The following ROBO2 variants were observed in gnomAD, a reference collection of about 807,000 sequenced individuals.
The protein encoded by ROBO2 is roundabout homolog 2.
In ROBO2, 53 loss-of-function variants were observed where a neutral mutation model predicts 160.8. That is an observed-to-expected ratio of 0.33 (90% CI 0.26 to 0.41). The LOEUF (loss-of-function observed/expected upper bound fraction) is 0.41, where lower values mean the gene tolerates loss of function less well. ROBO2 is among the 10% of genes least tolerant of loss of function. The pLI, the probability that ROBO2 is intolerant of heterozygous loss-of-function variation, is 1.00. For synonymous variants in ROBO2, 664 were observed against 611.7 expected, an observed-to-expected ratio of 1.09 and a Z score of -1.26; for missense variants, 1,577 against 1,722.4, an observed-to-expected ratio of 0.92 and a Z score of 1.49.
At chr3:76,542,584 T>A (rs986113371) in intron 2 of ROBO2, among the ~76,000 whole-genome samples, 4 of 152,074 alleles carry the variant, frequency 2.6e-5, no homozygotes, top group African/African-American at 9.7e-5. Context: ...TAAGGCTGAG[T>A]TCAAGTCTTC....
intron 2 of ROBO2, among the ~76,000 whole-genome samples, chr3:76,000,531 C>T (rs935425844): frequency 7.4e-5 from 11 of 149,088 alleles, no homozygotes; most frequent in African/African-American, 2.5e-4. Flanking sequence ...CTCTGTCCCC[C>T]AGGCTGGAGT....
chr3:76,754,309 A>G (rs1307544230), intron 2 of ROBO2, among the ~76,000 whole-genome samples: 1 of 151,948 alleles, frequency 6.6e-6, no homozygotes, highest in African/African-American at 2.4e-5. Context: ...ACTTTGAAAG[A>G]CACGAAATAT....
intron 2 of ROBO2, among the ~76,000 whole-genome samples, chr3:76,819,446 G>A (rs1228341831): frequency 6.6e-6 from 1 of 152,026 alleles, no homozygotes; most frequent in Non-Finnish European, 1.5e-5. Flanking sequence ...GACTCTGAGG[G>A]GTAGCAGGAC....
At chr3:76,547,381 G>A (rs1358799492) in intron 2 of ROBO2, among the ~76,000 whole-genome samples, 1 of 151,666 alleles carries the variant, frequency 6.6e-6, no homozygotes, top group Non-Finnish European at 1.5e-5. Flanking sequence ...CCTATGTATT[G>A]TCATTTGTAT....
intron 2 of ROBO2, among the ~76,000 whole-genome samples, chr3:76,369,653 T>G (rs918809176): frequency 6.6e-6 from 1 of 151,868 alleles, no homozygotes; most frequent in African/African-American, 2.4e-5. Context: ...ATTAGGTCAG[T>G]CATGTTCTAA....
At chr3:77,441,512 T>C (rs1359898077) in intron 2 of ROBO2, among the ~76,000 whole-genome samples, 1 of 152,104 alleles carries the variant, frequency 6.6e-6, no homozygotes, top group African/African-American at 2.4e-5. Context: ...AAAAATCCTT[T>C]TGCAAGGATT....
At chr3:77,113,770 T>C (rs1168175627) in intron 2 of ROBO2, among the ~76,000 whole-genome samples, 1 of 152,196 alleles carries the variant, frequency 6.6e-6, no homozygotes, top group African/African-American at 2.4e-5. Flanking sequence ...ATTCATTCCA[T>C]TTGGGTTTGA....
At chr3:76,739,495 G>T (rs1353900989) in intron 2 of ROBO2, among the ~76,000 whole-genome samples, 7 of 145,238 alleles carry the variant, frequency 4.8e-5, no homozygotes, top group Non-Finnish European at 1.1e-4. Context: ...TTGGGGGAGG[G>T]GGGAGGGATA....
At chr3:76,842,206 T>C (rs2068347569) in intron 2 of ROBO2, among the ~76,000 whole-genome samples, 1 of 152,184 alleles carries the variant, frequency 6.6e-6, no homozygotes, top group Non-Finnish European at 1.5e-5. Context: ...TTGAAAACGT[T>C]ATTACGGCTG....
chr3:76,580,483 G>A (rs934765906), intron 2 of ROBO2, among the ~76,000 whole-genome samples: 2 of 150,858 alleles, frequency 1.3e-5, no homozygotes, highest in Non-Finnish European at 2.9e-5. Context: ...CATTTGCTAA[G>A]GTAATTAATT....
At position 77,169,006 on chromosome 3, in the gene ROBO2, T is replaced by A. The variant is rs190093355; in HGVS notation, c.388+70666T>A. ...GAAATGGAGAGCAGCAGTGACTCCA[T>A]TTCCAGTGTCTAAAGAAGAAGACTT... is the stretch of plus-strand genomic sequence containing the variant. On this transcript the variant is annotated intron_variant, in intron 2 of 25. Coordinates refer to ENST00000461745, the Ensembl canonical transcript of ROBO2. 3.6e-4 allele frequency among the ~76,000 whole-genome samples: 55 copies of A among 152,286 alleles called. 1 individual carries two copies. In the East Asian group the frequency reaches 8.7e-3, roughly 24 times the overall value.
Position 76,193,654 on chromosome 3 carries a change from ACTTACT to A in ROBO2, c.109+256057_109+256062del, listed in dbSNP as rs540109005. 3.4e-4 allele frequency among the ~76,000 whole-genome samples: 52 copies of A among 152,278 alleles called. 1 individual carries two copies. In the East Asian group the frequency reaches 8.9e-3, roughly 26 times the overall value. On this transcript the variant is annotated intron_variant, in intron 2 of 26. Transcript: ENST00000487694. ...TGCCCATAGGGGAAAATCTTTCGAA[ACTTACT>A]CTTAATGAATGTAAAGATCAGACAT...
At chr3:76,866,403 T>C (rs985390831) in intron 2 of ROBO2, among the ~76,000 whole-genome samples, 1 of 152,152 alleles carries the variant, frequency 6.6e-6, no homozygotes, top group Non-Finnish European at 1.5e-5. Flanking sequence ...TGTTAAAATG[T>C]TATTTTGTAT....
chr3:76,256,952 C>T (rs1236099066), intron 2 of ROBO2, among the ~76,000 whole-genome samples: 1 of 151,896 alleles, frequency 6.6e-6, no homozygotes, highest in Non-Finnish European at 1.5e-5. Context: ...GGACCACACA[C>T]ATAAAACAAG....
intron 2 of ROBO2, among the ~76,000 whole-genome samples, chr3:76,499,387 C>CAT (rs1249337222): frequency 2.0e-5 from 3 of 152,316 alleles, no homozygotes; most frequent in Admixed American, 6.5e-5. Context: ...TTTGTTGACA[C>CAT]TCCTCAGCCC....
At chr3:76,878,957 TA>T (rs1559641698) in intron 2 of ROBO2, among the ~76,000 whole-genome samples, 3 of 149,226 alleles carry the variant, frequency 2.0e-5, no homozygotes, top group Non-Finnish European at 3.0e-5. Context: ...TTTCTAATAT[TA>T]AAAAGAAAAA....
chr3:75,983,033 A>C (rs560216859), intron 2 of ROBO2, among the ~76,000 whole-genome samples: 1 of 151,668 alleles, frequency 6.6e-6, no homozygotes, highest in African/African-American at 2.4e-5. Context: ...GTAGAAATGC[A>C]GTTGAGTCAA....
chr3:76,708,116 A>C (rs1244655195), intron 2 of ROBO2, among the ~76,000 whole-genome samples: 1 of 152,152 alleles, frequency 6.6e-6, no homozygotes, highest in African/African-American at 2.4e-5. Context: ...ATATCTCTGA[A>C]ATTGCTGTCT....
intron 2 of ROBO2, among the ~76,000 whole-genome samples, chr3:76,763,401 T>G (rs1286468978): frequency 6.6e-6 from 1 of 151,750 alleles, no homozygotes. Context: ...AGCCAATGTC[T>G]CAGGCACTTA....
Sources: gnomAD v4.1 joint callset for allele counts (sites outside exome capture counted in the v4.1 genomes callset) on GRCh38, gnomAD v4.1.1 for gene constraint, MANE v1.5 for transcripts, NCBI Gene and HGNC (gene_info 2026-07-23, HGNC 2026-07-21) for gene names.